Variants in RNF17 observed in about 807,000 individuals in gnomAD.
RNF17 encodes the protein spermatogenesis associated 23.
RNF17 carries 31 observed loss-of-function variants against 200.5 expected under a neutral mutation model. The ratio of observed to expected loss-of-function variants is 0.15; its 90% CI spans 0.12 to 0.21. The LOEUF (loss-of-function observed/expected upper bound fraction) is 0.21, where lower values mean the gene tolerates loss of function less well. Among genes scored for constraint, RNF17 ranks in the 10% least tolerant of loss-of-function variants. The pLI, the probability that RNF17 is intolerant of heterozygous loss-of-function variation, is 1.00. For synonymous variants in RNF17, 606 were observed against 637.8 expected, an observed-to-expected ratio of 0.95 and a Z score of 0.75; for missense variants, 1,628 against 1,905.1, an observed-to-expected ratio of 0.85 and a Z score of 2.71.
At chr13:24,798,150 A>G (rs1272988661) in intron 11 of RNF17, among the ~76,000 whole-genome samples, 1 of 152,148 alleles carries the variant, frequency 6.6e-6, no homozygotes, top group Non-Finnish European at 1.5e-5. Context: ...TTGTTTCAGT[A>G]TTTAATATTA....
At chr13:24,795,720 A>G (rs1020668062) in intron 10 of RNF17, among the ~76,000 whole-genome samples, 2 of 152,190 alleles carry the variant, frequency 1.3e-5, no homozygotes, top group Admixed American at 1.3e-4. Context: ...TAGGTAGAGT[A>G]TAGATGGAAC....
chr13:24,797,730 G>C (rs1394596600), intron 11 of RNF17, among the ~76,000 whole-genome samples: 3 of 151,602 alleles, frequency 2.0e-5, no homozygotes, highest in South Asian at 2.1e-4. Context: ...GTGTGTGTGT[G>C]TGTGTGTGTG....
intron 22 of RNF17, among the ~76,000 whole-genome samples, chr13:24,847,396 A>G: frequency 6.7e-6 from 1 of 148,660 alleles, no homozygotes; most frequent in Admixed American, 6.8e-5. Context: ...CCCAGGCTGG[A>G]GTGCAGTGGC....
intron 10 of RNF17, among the ~76,000 whole-genome samples, chr13:24,794,914 C>T (rs887143028): frequency 4.6e-5 from 7 of 152,094 alleles, no homozygotes; most frequent in African/African-American, 1.7e-4. Flanking sequence ...GATGAGGTTT[C>T]ACCATGTCAG....
At chr13:24,836,573 A>G (rs1890020582) in intron 18 of RNF17, among the ~76,000 whole-genome samples, 1 of 152,258 alleles carries the variant, frequency 6.6e-6, no homozygotes, top group East Asian at 1.9e-4. Context: ...AAACAAAACA[A>G]TTTATCAACC....
At position 24,793,079 on chromosome 13, in the gene RNF17, C is replaced by G. The variant is rs1277892340; in HGVS notation, c.973C>G (p.Gln325Glu). Residue 325 changes from glutamine (Q) to glutamate (E), a missense_variant, in exon 10 of 36, where the codon CAA becomes GAA. By Grantham distance (29) the Gln-to-Glu change is conservative. This residue lies in a region of RNF17 where 502 missense variants were observed against 501.7 expected (regional missense o/e 1.00). Coordinates refer to ENST00000255324, the MANE Select transcript of RNF17 (RefSeq NM_031277.3). The part of the protein sequence containing the change: ...PQENEIRQNV[Q>E]KKYNNKKELS... ...AGAAAATGAAATTAGACAGAATGTT[C>G]AAAAGAAATATAATAACAAAAAGGA... 6.3e-7 allele frequency: 1 copy of G among 1,590,736 alleles called. No individual in the cohort carries two copies. The highest frequency in any genetic ancestry group is 1.4e-5 in the African/African-American group (1 of 73,530).
Position 24,853,964 on chromosome 13 carries a change from G to A in RNF17, c.3430G>A (p.Asp1144Asn), listed in dbSNP as rs1892208496. 6 of 1,614,098 alleles carry A rather than the reference G, an allele frequency of 3.7e-6. No homozygotes were observed. Among genetic ancestry groups the A allele is most frequent in the South Asian group, 1.1e-5 (1 of 91,076 alleles). Residue 1144 changes from aspartate to asparagine, a missense_variant, in exon 25 of 36, where the codon GAC (aspartate) becomes AAC (asparagine). By Grantham distance (23) the Asp-to-Asn change is conservative (BLOSUM62 1). Transcript: ENST00000255324. ...TNCIKTNFDP[D>N]KKTADIISEQ... ...CTGTATTAAAACTAACTTTGACCCTGACAAGAAAACTGCTGACATAATCAG... is the reference window on the plus strand; with the variant it reads ...CTGTATTAAAACTAACTTTGACCCTAACAAGAAAACTGCTGACATAATCAG...
At position 24,779,657 on chromosome 13, in the gene RNF17, C is replaced by A; in HGVS notation, c.430-10C>A. The A allele has an allele frequency of 6.3e-7, 1 of 1,598,380 alleles. No individual in the cohort carries two copies. The highest frequency in any genetic ancestry group is 8.6e-7 in the Non-Finnish European group (1 of 1,166,534). ...TTTTATATTTGTATGTGATTTCCCT[C>A]CCTTCTTAGGACACTAATACTGCAG... On this transcript the variant is annotated splice_polypyrimidine_tract_variant and intron_variant, in intron 4 of 35. Coordinates refer to ENST00000255324, the MANE Select transcript of RNF17 (RefSeq NM_031277.3).
chr13:24,859,259 A>G, intron 26 of RNF17, 95 bp downstream of exon 26: 1 of 901,024 alleles, frequency 1.1e-6, no homozygotes, highest in South Asian at 3.5e-5. Flanking sequence ...GGATTAAAAC[A>G]TCTTTTGATG....
chr13:24,829,247 C>G (rs1336638639), intron 16 of RNF17, among the ~76,000 whole-genome samples: 1 of 152,122 alleles, frequency 6.6e-6, no homozygotes, highest in East Asian at 1.9e-4. Flanking sequence ...AGTTTAATTC[C>G]CTTTTTCGCA....
chr13:24,834,137 G>A (rs1173338461), intron 18 of RNF17, among the ~76,000 whole-genome samples: 1 of 152,058 alleles, frequency 6.6e-6, no homozygotes, highest in Non-Finnish European at 1.5e-5. Context: ...CAGGTGTGGT[G>A]GCTGATGCCT....
chr13:24,771,947 T>C (rs1376013216), intron 2 of RNF17, among the ~76,000 whole-genome samples: 1 of 151,876 alleles, frequency 6.6e-6, no homozygotes, highest in Admixed American at 6.6e-5. Context: ...GAGGTTGCAG[T>C]GAGCCGAGAT....
chr13:24,794,084 C>A, intron 10 of RNF17: 3 of 396,626 alleles, frequency 7.6e-6, no homozygotes, highest in Admixed American at 3.2e-5. Flanking sequence ...TTCAGTACAG[C>A]TTTTTAAAAA....
intron 14 of RNF17, among the ~76,000 whole-genome samples, chr13:24,802,877 C>G (rs776020483): frequency 3.0e-4 from 46 of 152,056 alleles, no homozygotes; most frequent in Non-Finnish European, 2.2e-4. Context: ...ATAGCTAGAC[C>G]TCGTCTCTAC....
chr13:24,750,075 A>AC, the RNF17 span, among the ~76,000 whole-genome samples: 2 of 151,530 alleles, frequency 1.3e-5, no homozygotes, highest in Admixed American at 1.3e-4. Context: ...TTCACAAGGG[A>AC]CTCTGCCTTA....
intron 1 of RNF17, among the ~76,000 whole-genome samples, chr13:24,765,292 G>A (rs939669916): frequency 1.3e-5 from 2 of 152,212 alleles, no homozygotes; most frequent in African/African-American, 4.8e-5. Flanking sequence ...TGGGATTACA[G>A]GCGTGAGCCA....
chr13:24,815,325 C>G (rs1887246809), intron 15 of RNF17, among the ~76,000 whole-genome samples: 1 of 151,674 alleles, frequency 6.6e-6, no homozygotes, highest in Admixed American at 6.6e-5. Context: ...TTTAAATTTC[C>G]TCTTCAATTT....
At chr13:24,825,184 GT>G (rs1285426374) in intron 15 of RNF17, among the ~76,000 whole-genome samples, 2 of 152,146 alleles carry the variant, frequency 1.3e-5, no homozygotes, top group Non-Finnish European at 2.9e-5. Context: ...ATCAGAAGCA[GT>G]ATATAATCTT....
At chr13:24,875,762 C>T (rs1024847659) in intron 33 of RNF17, among the ~76,000 whole-genome samples, 1 of 152,198 alleles carries the variant, frequency 6.6e-6, no homozygotes, top group Non-Finnish European at 1.5e-5. Context: ...GTGGACCAGC[C>T]AAGAGCAAAG....
Sources: gnomAD v4.1 joint callset for allele counts (sites outside exome capture counted in the v4.1 genomes callset) on GRCh38, gnomAD v4.1.1 for gene constraint, gnomAD v4.1.1 regional missense constraint, MANE v1.5 for transcripts, NCBI Gene and HGNC (gene_info 2026-07-23, HGNC 2026-07-21) for gene names.